CLVS1: variants seen among roughly 807,000 people sequenced by gnomAD.
The protein encoded by CLVS1 is clavesin 1, also known as clavesin-1.
In CLVS1, 10 loss-of-function variants were observed where a neutral mutation model predicts 33.1. The observed-to-expected ratio is 0.30, with a 90% confidence interval of 0.19 to 0.51. CLVS1 has a LOEUF of 0.51. Among genes scored for constraint, CLVS1 ranks in the 20% least tolerant of loss-of-function variants. The probability of loss-of-function intolerance (pLI) is 0.97; values close to 1 mark genes in which losing one functional copy is unlikely to be tolerated. For missense variants in CLVS1, 343 were observed against 433.4 expected (o/e 0.79, Z 1.85); for synonymous variants, 163 against 166.1 (o/e 0.98, Z 0.14).
intron 2 of CLVS1, among the ~76,000 whole-genome samples, chr8:61,251,448 C>A (rs944985607): frequency 3.9e-5 from 6 of 152,112 alleles, no homozygotes; most frequent in Admixed American, 6.6e-5. Flanking sequence ...AGGGAGGATT[C>A]CCTGTTTTTC....
the CLVS1 span, among the ~76,000 whole-genome samples, chr8:60,982,662 C>A: frequency 3.3e-5 from 5 of 152,128 alleles, no homozygotes; most frequent in Admixed American, 6.5e-5. Context: ...GAACTGGAAT[C>A]CTTGACTAAA....
chr8:61,068,240 T>TATATATATGTATATATATAC (rs1804723076), intron 1 of CLVS1, among the ~76,000 whole-genome samples: 1 of 146,706 alleles, frequency 6.8e-6, no homozygotes, highest in Non-Finnish European at 1.5e-5. Context: ...TATATATATA[T>TATATATATGTATATATATAC]ATATATATGT....
chr8:61,197,667 C>T (rs1000308749), intron 2 of CLVS1, among the ~76,000 whole-genome samples: 19 of 152,136 alleles, frequency 1.2e-4, no homozygotes, highest in Admixed American at 9.2e-4. Flanking sequence ...TTACAAGCGC[C>T]TGCCCCCACA....
intron 2 of CLVS1, among the ~76,000 whole-genome samples, chr8:61,262,283 G>A (rs1028029589): frequency 1.4e-4 from 22 of 152,164 alleles, no homozygotes; most frequent in African/African-American, 5.1e-4. Context: ...CTGGACTAGT[G>A]GGGATTACAG....
At chr8:60,968,977 G>T in the CLVS1 span, among the ~76,000 whole-genome samples, 3 of 151,636 alleles carry the variant, frequency 2.0e-5, no homozygotes, top group African/African-American at 7.3e-5. Flanking sequence ...CACAAAGGGG[G>T]TCCTAATGCA....
At chr8:61,056,609 G>A (rs1804477035), upstream of CLVS1, among the ~76,000 whole-genome samples, 1 of 152,040 alleles carries the variant, frequency 6.6e-6, no homozygotes, top group African/African-American at 2.4e-5. Flanking sequence ...ACTTCACATA[G>A]ACCACCCTGC....
At chr8:61,197,315 T>C (rs1807637172) in intron 2 of CLVS1, among the ~76,000 whole-genome samples, 1 of 152,218 alleles carries the variant, frequency 6.6e-6, no homozygotes, top group African/African-American at 2.4e-5. Flanking sequence ...GGCCCCTTTG[T>C]CGAAAATGAA....
At chr8:61,108,217 CAAAA>C (rs577723258) in intron 1 of CLVS1, among the ~76,000 whole-genome samples, 1 of 69,070 alleles carries the variant, frequency 1.4e-5, no homozygotes. Context: ...GACTCCGTCT[CAAAA>C]AAAAAAAAAA....
intron 5 of CLVS1, among the ~76,000 whole-genome samples, chr8:61,491,171 T>C (rs1804065992): frequency 6.6e-6 from 1 of 152,178 alleles, no homozygotes; most frequent in African/African-American, 2.4e-5. Context: ...TTGTAGAATT[T>C]TGAAAAATAA....
chr8:61,243,007 T>C (rs1159897722), intron 2 of CLVS1, among the ~76,000 whole-genome samples: 1 of 152,200 alleles, frequency 6.6e-6, no homozygotes, highest in Non-Finnish European at 1.5e-5. Flanking sequence ...TCATTTTCCT[T>C]GCTTTTCTCA....
At chr8:61,414,039 A>G (rs1563542545) in intron 3 of CLVS1, among the ~76,000 whole-genome samples, 1 of 152,250 alleles carries the variant, frequency 6.6e-6, no homozygotes, top group Non-Finnish European at 1.5e-5. Context: ...CAATCAACAG[A>G]TATTGGGATG....
intron 3 of CLVS1, among the ~76,000 whole-genome samples, chr8:61,386,286 T>TAAC (rs1814080711): frequency 6.6e-6 from 1 of 152,196 alleles, no homozygotes; most frequent in East Asian, 1.9e-4. Flanking sequence ...GATGATGCTG[T>TAAC]AGGTGGCTGA....
intron 5 of CLVS1, among the ~76,000 whole-genome samples, chr8:61,481,375 T>C (rs1818187951): frequency 6.6e-6 from 1 of 152,092 alleles, no homozygotes; most frequent in South Asian, 2.1e-4. Context: ...AGACAGTGGG[T>C]GCAGCCCACA....
At chr8:61,272,664 C>G (rs981285301) in intron 2 of CLVS1, among the ~76,000 whole-genome samples, 2 of 152,160 alleles carry the variant, frequency 1.3e-5, no homozygotes, top group East Asian at 1.9e-4. Context: ...TTCACGTAGT[C>G]CCATATTTCT....
At chr8:61,282,749 T>C (rs1479278984) in intron 2 of CLVS1, among the ~76,000 whole-genome samples, 1 of 152,240 alleles carries the variant, frequency 6.6e-6, no homozygotes, top group Admixed American at 6.5e-5. Flanking sequence ...TGTATCCTTA[T>C]AATAAGTTCC....
chr8:61,200,058 C>G (rs1478252494), intron 2 of CLVS1, among the ~76,000 whole-genome samples: 1 of 152,150 alleles, frequency 6.6e-6, no homozygotes, highest in Non-Finnish European at 1.5e-5. Flanking sequence ...ATAAAACTAT[C>G]ACTGCAATGT....
the CLVS1 span, among the ~76,000 whole-genome samples, chr8:61,048,367 A>G: frequency 2.0e-5 from 3 of 152,180 alleles, no homozygotes; most frequent in African/African-American, 7.2e-5. Context: ...CTTAAGAATC[A>G]TGACACAGAA....
intron 1 of CLVS1, among the ~76,000 whole-genome samples, chr8:61,113,873 C>A (rs1287026292): frequency 2.0e-5 from 3 of 152,198 alleles, no homozygotes; most frequent in Admixed American, 2.0e-4. Context: ...TCAGGCAACC[C>A]TCCTCTTGCC....
chr8:61,016,722 G>C, the CLVS1 span, among the ~76,000 whole-genome samples: 495 of 152,316 alleles, frequency 3.2e-3, 3 homozygotes, highest in African/African-American at 0.011. Flanking sequence ...GCATGCAAGT[G>C]GTGAGAAGCT....
Sources: gnomAD v4.1 joint callset for allele counts (sites outside exome capture counted in the v4.1 genomes callset) on GRCh38, gnomAD v4.1.1 for gene constraint, MANE v1.5 for transcripts, NCBI Gene and HGNC (gene_info 2026-07-23, HGNC 2026-07-21) for gene names.